CUX2: variants seen among roughly 807,000 people sequenced by gnomAD.
The protein encoded by CUX2 is homeobox protein cut-like 2.
In CUX2, 40 loss-of-function variants were observed where a neutral mutation model predicts 144.8. The observed-to-expected ratio is 0.28, with a 90% confidence interval of 0.21 to 0.36. CUX2 has a LOEUF of 0.36. Among genes scored for constraint, CUX2 ranks in the 10% least tolerant of loss-of-function variants. CUX2 has a pLI of 1.00. For missense variants in CUX2, 1,615 were observed against 1,994.0 expected, an observed-to-expected ratio of 0.81 and a Z score of 3.62; for synonymous variants, 827 against 875.6, an observed-to-expected ratio of 0.94 and a Z score of 0.98.
At chr12:111,109,007 C>T (rs534225736) in intron 1 of CUX2, among the ~76,000 whole-genome samples, 1 of 152,320 alleles carries the variant, frequency 6.6e-6, no homozygotes, top group East Asian at 1.9e-4. Flanking sequence ...GTCTGGCTAT[C>T]TCCCTTTCAG....
At chr12:111,308,577 T>TG (rs1301525770) in intron 14 of CUX2, 51 bp downstream of exon 14, 1 of 1,490,338 alleles carries the variant, frequency 6.7e-7, no homozygotes, top group East Asian at 2.4e-5. Flanking sequence ...GGGCTGCCTG[T>TG]GGGTCTCTGG....
chr12:111,262,191 C>A (rs2136289502), intron 3 of CUX2, among the ~76,000 whole-genome samples: 2 of 152,258 alleles, frequency 1.3e-5, no homozygotes, highest in African/African-American at 4.8e-5. Flanking sequence ...ACTGTAAGTC[C>A]CATAAGGGTG....
intron 3 of CUX2, among the ~76,000 whole-genome samples, chr12:111,243,180 A>G (rs1388136344): frequency 1.3e-5 from 2 of 152,224 alleles, no homozygotes; most frequent in East Asian, 1.9e-4. Flanking sequence ...AGAGAATAAA[A>G]TAATTGGTCA....
intron 18 of CUX2, among the ~76,000 whole-genome samples, chr12:111,329,145 C>T (rs1439858342): frequency 6.6e-6 from 1 of 150,496 alleles, no homozygotes; most frequent in Non-Finnish European, 1.5e-5. Context: ...CCTTATCTCT[C>T]CAGGAGAGAG....
In CUX2 at chr12:111,200,889, T is replaced by C. The variant is rs955451643; in HGVS notation, c.64-13311T>C. Among the ~76,000 whole-genome samples the C allele has an allele frequency of 3.3e-5, 5 of 152,228 alleles. No homozygotes were observed. The South Asian group carries it at 1.0e-3, about 31-fold the overall frequency. ...GCGGGGGCATTTATATTAGCAGTGA[T>C]GCTTCCCATTTGTTTAGGAAGAAAT... is the stretch of plus-strand genomic sequence containing the variant. On this transcript the variant is annotated intron_variant, in intron 1 of 21. Transcript: ENST00000261726.
intron 1 of CUX2, among the ~76,000 whole-genome samples, chr12:111,146,705 A>C (rs1876695907): frequency 1.3e-5 from 2 of 152,186 alleles, no homozygotes; most frequent in Non-Finnish European, 2.9e-5. Flanking sequence ...GTCTAGCATG[A>C]TCATCAGAGT....
At chr12:111,046,810 C>G (rs796663178) in intron 1 of CUX2, among the ~76,000 whole-genome samples, 1 of 152,184 alleles carries the variant, frequency 6.6e-6, no homozygotes, top group Non-Finnish European at 1.5e-5. Flanking sequence ...GCGTGTGCCA[C>G]TACGCCTGGC....
chr12:111,298,444 C>T, intron 8 of CUX2, 97 bp from the exon 9 acceptor site: 3 of 1,303,258 alleles, frequency 2.3e-6, no homozygotes, highest in South Asian at 1.3e-5. Flanking sequence ...GCCTTCAGCC[C>T]TCCCCTGGGC....
At chr12:111,121,369 C>CTTTTTTTT (rs5800920) in intron 1 of CUX2, among the ~76,000 whole-genome samples, 29 of 59,032 alleles carry the variant, frequency 4.9e-4, no homozygotes, top group Admixed American at 8.2e-4. Flanking sequence ...TTTCTTTTTT[C>CTTTTTTTT]TTTTTTTTTT....
chr12:111,117,401 C>A (rs1874373851), intron 1 of CUX2, among the ~76,000 whole-genome samples: 1 of 152,102 alleles, frequency 6.6e-6, no homozygotes, highest in Non-Finnish European at 1.5e-5. Flanking sequence ...AGTATGGAGA[C>A]CTCTAAGGGT....
At chr12:111,204,920 G>T (rs1880824931) in intron 1 of CUX2, among the ~76,000 whole-genome samples, 1 of 152,302 alleles carries the variant, frequency 6.6e-6, no homozygotes, top group South Asian at 2.1e-4. Context: ...AATGTGAACT[G>T]TCCATCACCC....
At chr12:111,134,208 G>C (rs1227905077) in intron 1 of CUX2, among the ~76,000 whole-genome samples, 1 of 152,096 alleles carries the variant, frequency 6.6e-6, no homozygotes, top group Non-Finnish European at 1.5e-5. Flanking sequence ...GAGACATTAG[G>C]ACCAACCAGC....
At chr12:111,316,875 G>C (rs766148979) in intron 16 of CUX2, among the ~76,000 whole-genome samples, 3 of 152,100 alleles carry the variant, frequency 2.0e-5, no homozygotes, top group Admixed American at 6.6e-5. Flanking sequence ...CCATTAAGCA[G>C]TGCTTCTCCT....
chr12:111,340,352 A>C (rs1200803661), intron 20 of CUX2, among the ~76,000 whole-genome samples: 1 of 152,104 alleles, frequency 6.6e-6, no homozygotes, highest in Non-Finnish European at 1.5e-5. Flanking sequence ...CATTTAAGTT[A>C]CTGTCCCTAC....
In CUX2 at chr12:111,263,692, A is replaced by G; in HGVS notation, c.223-69A>G. 8.3e-7 allele frequency: 1 copy of G among 1,202,972 alleles called. No homozygotes were observed. The highest frequency in any genetic ancestry group is 1.3e-5 in the South Asian group (1 of 77,746). The allele number at this position is 1,202,972 out of a possible 1,614,324, so 74.5% of individuals were successfully genotyped here. A position where few individuals can be genotyped will look rare whatever the true frequency, so the allele number is the denominator to read the frequency against. On this transcript the variant is annotated intron_variant, in intron 3 of 21. Coordinates refer to ENST00000261726, the MANE Select transcript of CUX2 (RefSeq NM_015267.4). This position sits in a 1 kb window ranked among gnomAD's most constrained non-coding sequence, Gnocchi z 4.0. ...AGATGTTTTCTTGTGGAAAAAAAAA[A>G]TGATGAAATTTGCTTGCAGACACAG...
chr12:111,316,488 C>T (rs1456726762), intron 16 of CUX2, among the ~76,000 whole-genome samples: 19 of 124,078 alleles, frequency 1.5e-4, no homozygotes, highest in African/African-American at 2.0e-4. Flanking sequence ...TTAGCTCTGT[C>T]GCCCAGGCTG....
At position 111,127,917 on chromosome 12, in the gene CUX2, A is replaced by G. The variant is rs149518851; in HGVS notation, c.64-86283A>G. On this transcript the variant is annotated intron_variant, in intron 1 of 21. Transcript: ENST00000261726. ...TGTGAGACTTATTCACTATCACAGT[A>G]TGGGGGAAACTGCCCTCATGATTCA... 4.3e-3 allele frequency among the ~76,000 whole-genome samples: 654 copies of G among 152,274 alleles called. 4 individuals are homozygous for G. Among genetic ancestry groups the G allele is most frequent in the African/African-American group, 0.015 (605 of 41,550 alleles).
intron 3 of CUX2, among the ~76,000 whole-genome samples, chr12:111,244,224 G>A (rs1033741936): frequency 6.6e-6 from 1 of 152,156 alleles, no homozygotes; most frequent in Non-Finnish European, 1.5e-5. Flanking sequence ...GGTGAACCCA[G>A]AAGCTGAGGC....
At chr12:111,325,082 G>C (rs1341933851) in intron 18 of CUX2, among the ~76,000 whole-genome samples, 4 of 150,484 alleles carry the variant, frequency 2.7e-5, no homozygotes, top group African/African-American at 9.8e-5. Flanking sequence ...TCAGGAGATT[G>C]AGACCATCCT....
Sources: gnomAD v4.1 joint callset for allele counts (sites outside exome capture counted in the v4.1 genomes callset) on GRCh38, gnomAD v4.1.1 for gene constraint, Gnocchi (gnomAD v3.1) non-coding constraint, MANE v1.5 for transcripts, NCBI Gene and HGNC (gene_info 2026-07-23, HGNC 2026-07-21) for gene names.